Variants in MGMT observed in about 807,000 individuals in gnomAD.
The protein encoded by MGMT is methylated-DNA--protein-cysteine methyltransferase.
In MGMT, 14 loss-of-function variants were observed where a neutral mutation model predicts 15.9. That is an observed-to-expected ratio of 0.88 (90% confidence interval 0.58 to 1.37). The LOEUF is 1.37. Ranked by LOEUF, MGMT falls within the 40% of genes most tolerant of loss-of-function variation. The pLI is 0.00. For synonymous variants in MGMT, 130 were observed against 118.2 expected, an observed-to-expected ratio of 1.10 and a Z score of -0.65; for missense variants, 282 against 268.1, an observed-to-expected ratio of 1.05 and a Z score of -0.36.
At chr10:129,716,808 G>A (rs1236491280) in intron 3 of MGMT, among the ~76,000 whole-genome samples, 1 of 152,156 alleles carries the variant, frequency 6.6e-6, no homozygotes, top group Non-Finnish European at 1.5e-5. Context: ...GAATGTGATG[G>A]TATCATTAGT....
chr10:129,705,583 C>A (rs1848151241), intron 2 of MGMT, among the ~76,000 whole-genome samples: 1 of 152,174 alleles, frequency 6.6e-6, no homozygotes, highest in Non-Finnish European at 1.5e-5. Context: ...CAGATTTGTA[C>A]AAGCTTGGTT....
At chr10:129,696,832 G>A (rs1848038235) in intron 2 of MGMT, among the ~76,000 whole-genome samples, 1 of 152,208 alleles carries the variant, frequency 6.6e-6, no homozygotes, top group Admixed American at 6.5e-5. Context: ...TCTTTACGCA[G>A]CCCAGTCCAC....
chr10:129,677,358 A>G lies in MGMT; in HGVS notation c.126-30537A>G, dbSNP rs77479027. ...AGCTTGACCTGAGTTGGCCTATGCT[A>G]ACACATTTAAGCTTTCCTAATTCCC... On this transcript the variant is annotated intron_variant, in intron 2 of 4. Coordinates refer to ENST00000651593, the MANE Select transcript of MGMT (RefSeq NM_002412.5). Among the ~76,000 whole-genome samples the G allele has an allele frequency of 8.2e-3, 1,248 of 152,234 alleles. 19 individuals carry two copies. The highest frequency in any genetic ancestry group is 0.028 in the African/African-American group (1,179 of 41,532).
At chr10:129,565,366 G>C (rs1311426544) in intron 2 of MGMT, among the ~76,000 whole-genome samples, 2 of 152,092 alleles carry the variant, frequency 1.3e-5, no homozygotes, top group African/African-American at 2.4e-5. Flanking sequence ...GCATCACTTT[G>C]AATAATATGC....
At chr10:129,558,331 C>T (rs568541120) in intron 2 of MGMT, among the ~76,000 whole-genome samples, 2 of 152,324 alleles carry the variant, frequency 1.3e-5, no homozygotes, top group South Asian at 4.1e-4. Flanking sequence ...GAACCACACC[C>T]TTAGTGGAAA....
intron 2 of MGMT, among the ~76,000 whole-genome samples, chr10:129,643,303 A>G (rs902846190): frequency 6.6e-6 from 1 of 152,208 alleles, no homozygotes; most frequent in African/African-American, 2.4e-5. Context: ...TCAAGGAGAA[A>G]AACTGGAGTA....
chr10:129,608,831 C>T (rs948943061), intron 2 of MGMT, among the ~76,000 whole-genome samples: 20 of 152,258 alleles, frequency 1.3e-4, no homozygotes, highest in Non-Finnish European at 2.5e-4. Context: ...GCTGAGGCCC[C>T]GTCCGCCTTG....
chr10:129,567,589 A>AG (rs1316149788), intron 2 of MGMT, among the ~76,000 whole-genome samples: 2 of 152,154 alleles, frequency 1.3e-5, no homozygotes, highest in African/African-American at 2.4e-5. Flanking sequence ...ACCTTATTCA[A>AG]GGGGAAAAAA....
At chr10:129,481,642 TTTC>T in intron 1 of MGMT, among the ~76,000 whole-genome samples, 1 of 152,330 alleles carries the variant, frequency 6.6e-6, no homozygotes, top group East Asian at 1.9e-4. Context: ...AGGTCATTTA[TTTC>T]TTCTTGAGTG....
At chr10:129,535,942 T>G (rs1845978973) in intron 1 of MGMT, among the ~76,000 whole-genome samples, 1 of 152,230 alleles carries the variant, frequency 6.6e-6, no homozygotes, top group Non-Finnish European at 1.5e-5. Context: ...AAAGGAGCTC[T>G]TACCAGGTCA....
intron 2 of MGMT, among the ~76,000 whole-genome samples, chr10:129,666,966 T>G (rs1388513737): frequency 6.6e-6 from 1 of 152,232 alleles, no homozygotes. Context: ...TTCCCAGCCT[T>G]ACATAATTGA....
intron 2 of MGMT, among the ~76,000 whole-genome samples, chr10:129,664,230 C>T (rs1266645602): frequency 6.6e-6 from 1 of 152,268 alleles, no homozygotes; most frequent in East Asian, 1.9e-4. Context: ...AGTACCAATG[C>T]AAGTAACTTA....
chr10:129,582,001 G>A, intron 2 of MGMT, among the ~76,000 whole-genome samples: 1 of 152,238 alleles, frequency 6.6e-6, no homozygotes, highest in East Asian at 1.9e-4. Flanking sequence ...GCTGTCCAGG[G>A]TGTGCGAGCC....
chr10:129,564,138 T>A (rs1846312800), intron 2 of MGMT: 1 of 149,888 alleles, frequency 6.7e-6, no homozygotes, highest in African/African-American at 2.5e-5. Flanking sequence ...CCCTTCTTCC[T>A]CCCCTCAAGC....
intron 2 of MGMT, among the ~76,000 whole-genome samples, chr10:129,673,593 GAGCACTGGCCA>G (rs1847750741): frequency 6.6e-6 from 1 of 152,100 alleles, no homozygotes; most frequent in South Asian, 2.1e-4. Flanking sequence ...TGGGGGAGGT[GAGCACTGGCCA>G]AGGACCAGCC....
chr10:129,706,727 C>T (rs1024555390), intron 2 of MGMT, among the ~76,000 whole-genome samples: 1 of 152,190 alleles, frequency 6.6e-6, no homozygotes, highest in Admixed American at 6.5e-5. Context: ...ATGTGTCATG[C>T]ACTCCACAGC....
Position 129,591,888 on chromosome 10 carries a change from G to A in MGMT, c.125+55511G>A, listed in dbSNP as rs111851546. ...AGAGATCACAGTGAGCCGAGATGGC[G>A]CCACTGCACTCCAGCCTGGGTGACA... On this transcript the variant is annotated intron_variant, in intron 2 of 4. Coordinates refer to ENST00000651593, the MANE Select transcript of MGMT (RefSeq NM_002412.5). 1.9e-3 allele frequency among the ~76,000 whole-genome samples: 282 copies of A among 152,256 alleles called. 1 individual carries two copies. The highest frequency in any genetic ancestry group is 3.1e-3 in the Non-Finnish European group (208 of 68,022).
Position 129,643,379 on chromosome 10 carries a change from TGA to T in MGMT, c.126-64514_126-64513del, listed in dbSNP as rs1277621722. On this transcript the variant is annotated intron_variant, in intron 2 of 4. Coordinates refer to ENST00000651593, the MANE Select transcript of MGMT (RefSeq NM_002412.5). ...ATGTAACTTTGAGTTGCAGTGGTTT[TGA>T]GTTTCCTGATCTTGATGTGCCAGTA... Among the ~76,000 whole-genome samples, 3 of 152,326 alleles carry T rather than the reference TGA, an allele frequency of 2.0e-5. No homozygotes were observed. The East Asian group carries it at 5.8e-4, about 29-fold the overall frequency.
chr10:129,488,924 G>T (rs2119651981), intron 1 of MGMT, among the ~76,000 whole-genome samples: 1 of 152,326 alleles, frequency 6.6e-6, no homozygotes, highest in East Asian at 1.9e-4. Flanking sequence ...AATGAGGAGA[G>T]ACACAGTAAA....
Sources: allele counts gnomAD v4.1 joint callset (sites outside exome capture counted in the v4.1 genomes callset), GRCh38; gene constraint gnomAD v4.1.1; transcripts MANE v1.5; gene names NCBI Gene and HGNC (gene_info 2026-07-23, HGNC 2026-07-21).